RANBP2: variants seen among roughly 807,000 people sequenced by gnomAD.
The protein encoded by RANBP2 is RAN binding protein 2.
In RANBP2, 57 loss-of-function variants were observed where a neutral mutation model predicts 303.6. That is an observed-to-expected ratio of 0.19 (90% CI 0.15 to 0.23). The LOEUF is 0.23. Ranked by LOEUF, RANBP2 falls within the 10% of genes least tolerant of loss-of-function variation. RANBP2 has a pLI of 1.00. For missense variants in RANBP2, 3,138 were observed against 3,780.8 expected (o/e 0.83, Z 4.46); for synonymous variants, 1,167 against 1,301.5 (o/e 0.90, Z 2.23).
At chr2:109,738,086 T>C in the RANBP2 span, among the ~76,000 whole-genome samples, 3 of 151,020 alleles carry the variant, frequency 2.0e-5, no homozygotes, top group Non-Finnish European at 4.5e-5. Flanking sequence ...TTTAGTTTGA[T>C]ATAATCCCAT....
At chr2:109,306,156 C>G in the RANBP2 span, among the ~76,000 whole-genome samples, 1 of 152,150 alleles carries the variant, frequency 6.6e-6, no homozygotes, top group Admixed American at 6.5e-5. Context: ...GTCAACACGT[C>G]GCTTATAGAG....
the RANBP2 span, among the ~76,000 whole-genome samples, chr2:109,413,126 A>T: frequency 1.1e-4 from 16 of 152,212 alleles, no homozygotes; most frequent in Middle Eastern, 3.4e-3. Context: ...TTATATATAT[A>T]TTTTTTGAGA....
At chr2:109,337,470 T>C in the RANBP2 span, among the ~76,000 whole-genome samples, 9 of 152,182 alleles carry the variant, frequency 5.9e-5, no homozygotes, top group Non-Finnish European at 1.2e-4. Context: ...TTTCCTCAAA[T>C]GGTGATAAGG....
the RANBP2 span, among the ~76,000 whole-genome samples, chr2:109,282,943 A>T: frequency 0.04 from 6,138 of 152,192 alleles, 414 homozygotes; most frequent in African/African-American, 0.14. Flanking sequence ...CAATGGTGGC[A>T]TTGGGGCTGG....
At chr2:109,544,449 C>A in the RANBP2 span, 11 of 1,390,774 alleles carry the variant, frequency 7.9e-6, no homozygotes, top group African/African-American at 5.9e-5. Flanking sequence ...AAAGAAAAAA[C>A]CAAAAACACC....
the RANBP2 span, among the ~76,000 whole-genome samples, chr2:109,511,630 G>A: frequency 0.062 from 9,375 of 152,294 alleles, 424 homozygotes; most frequent in African/African-American, 0.13. Context: ...AGGGGCACAA[G>A]CCCTGGGGTC....
chr2:108,987,046 T>C, the RANBP2 span, among the ~76,000 whole-genome samples: 2 of 152,114 alleles, frequency 1.3e-5, no homozygotes, highest in Admixed American at 1.3e-4. Flanking sequence ...CTAGGCAGGC[T>C]AGGAGGAGGG....
At chr2:109,205,875 T>C in the RANBP2 span, among the ~76,000 whole-genome samples, 1 of 152,206 alleles carries the variant, frequency 6.6e-6, no homozygotes, top group East Asian at 1.9e-4. Flanking sequence ...CCGCTTCCTG[T>C]TTTTTCATAG....
the RANBP2 span, among the ~76,000 whole-genome samples, chr2:109,228,557 G>C: frequency 6.6e-6 from 1 of 152,308 alleles, no homozygotes; most frequent in African/African-American, 2.4e-5. Context: ...GGACCCTGCA[G>C]GTTAAGGGCT....
At chr2:109,616,104 T>C in the RANBP2 span, 163 of 1,455,490 alleles carry the variant, frequency 1.1e-4, no homozygotes, top group Non-Finnish European at 1.5e-4. Context: ...GGTTTATTTG[T>C]CTTAATAAAT....
chr2:108,767,003 A>G lies in RANBP2; in HGVS notation c.6464A>G (p.His2155Arg). Residue 2155 changes from histidine (H) to arginine (R), a missense_variant, in exon 20 of 29, where the codon CAT becomes CGT. Coordinates refer to ENST00000283195, the MANE Select transcript of RANBP2 (RefSeq NM_006267.5). ...TTAGACATACCACTTCAAACTCCCCATAAACTTGTAGATACTGGCAGAGCT... is the reference window on the plus strand; with the variant it reads ...TTAGACATACCACTTCAAACTCCCCGTAAACTTGTAGATACTGGCAGAGCT... ...LLLDIPLQTP[H>R]KLVDTGRAAK... 6.2e-7 allele frequency: 1 copy of G among 1,609,906 alleles called. No homozygotes were observed. Among genetic ancestry groups the G allele is most frequent in the Non-Finnish European group, 8.5e-7 (1 of 1,179,826 alleles).
At chr2:109,273,385 G>A in the RANBP2 span, among the ~76,000 whole-genome samples, 5 of 152,336 alleles carry the variant, frequency 3.3e-5, 1 homozygote, top group Admixed American at 2.0e-4. Flanking sequence ...GCATGGATGA[G>A]GGGGGAGGCA....
the RANBP2 span, chr2:108,815,921 A>T: frequency 6.3e-7 from 1 of 1,575,506 alleles, no homozygotes; most frequent in Non-Finnish European, 8.6e-7. Flanking sequence ...GAAATAAATG[A>T]TTTAATTTTT....
the RANBP2 span, among the ~76,000 whole-genome samples, chr2:109,679,277 G>A: frequency 3.2e-4 from 49 of 152,324 alleles, no homozygotes; most frequent in African/African-American, 1.1e-3. Context: ...TGCATGTCAG[G>A]CAACTCACAT....
At chr2:109,338,759 T>C in the RANBP2 span, among the ~76,000 whole-genome samples, 1 of 152,154 alleles carries the variant, frequency 6.6e-6, no homozygotes, top group African/African-American at 2.4e-5. Flanking sequence ...AGTTTCACCA[T>C]GTTGGCCAGG....
intron 20 of RANBP2, 151 bp downstream of exon 20, chr2:108,768,539 T>C (rs1188992899): frequency 1.4e-6 from 2 of 1,425,618 alleles, no homozygotes; most frequent in East Asian, 2.3e-5. Flanking sequence ...TCTCCCTTAA[T>C]AAGTTCACGG....
the RANBP2 span, among the ~76,000 whole-genome samples, chr2:108,948,275 G>A: frequency 6.6e-6 from 1 of 152,148 alleles, no homozygotes; most frequent in Non-Finnish European, 1.5e-5. Flanking sequence ...TTGGCATTTT[G>A]GTCAAAATCA....
the RANBP2 span, among the ~76,000 whole-genome samples, chr2:109,233,310 G>A: frequency 6.6e-6 from 1 of 152,176 alleles, no homozygotes; most frequent in Non-Finnish European, 1.5e-5. Flanking sequence ...GCTCTCAGTG[G>A]GTTGGGGACC....
chr2:109,508,044 T>A, the RANBP2 span, among the ~76,000 whole-genome samples: 1 of 152,198 alleles, frequency 6.6e-6, no homozygotes, highest in Non-Finnish European at 1.5e-5. Context: ...TGGGTATTGC[T>A]GGGCTCTGCT....
Sources: gnomAD v4.1 joint callset for allele counts (sites outside exome capture counted in the v4.1 genomes callset) on GRCh38, gnomAD v4.1.1 for gene constraint, MANE v1.5 for transcripts, NCBI Gene and HGNC (gene_info 2026-07-23, HGNC 2026-07-21) for gene names.